The following SYNE3 variants were observed in gnomAD, a reference collection of about 807,000 sequenced individuals.
The protein encoded by SYNE3 is spectrin repeat containing nuclear envelope family member 3.
SYNE3 carries 100 observed loss-of-function variants against 111.2 expected under a neutral mutation model. That is an observed-to-expected ratio of 0.90 (90% CI 0.77 to 1.06). The LOEUF (loss-of-function observed/expected upper bound fraction) is 1.06. SYNE3 is among the 50% of genes least tolerant of loss of function. SYNE3 has a pLI of 0.00. For missense variants in SYNE3, 1,160 were observed against 1,240.3 expected, an observed-to-expected ratio of 0.94 and a Z score of 0.97; for synonymous variants, 547 against 533.9, an observed-to-expected ratio of 1.02 and a Z score of -0.34.
intron 1 of SYNE3, among the ~76,000 whole-genome samples, chr14:95,492,378 T>C (rs1156777569): frequency 1.3e-5 from 2 of 152,262 alleles, no homozygotes; most frequent in African/African-American, 2.4e-5. Context: ...CATCAACTGA[T>C]AAATGGATAA....
Position 95,475,711 on chromosome 14 carries a change from G to C in SYNE3, c.111C>G (p.Arg37=). The C allele has an allele frequency of 6.3e-7, 1 of 1,598,598 alleles. No homozygotes were observed. Among genetic ancestry groups the C allele is most frequent in the Non-Finnish European group, 8.5e-7 (1 of 1,173,678 alleles). ...LQVNDNTQGP[R]AALEARLWET... is the part of the protein sequence containing the mutation. ...CCCACAGCCTGGCCTCCAGGGCCGC[G>C]CGGGGTCCCTGCGTGTTGTCATTGA... The change falls in exon 2 of 18, where the codon CGC becomes CGG. Residue 37 remains arginine, a synonymous_variant. Transcript: ENST00000682763.
At chr14:95,471,840 G>A (rs1276145918) in intron 2 of SYNE3, among the ~76,000 whole-genome samples, 7 of 152,298 alleles carry the variant, frequency 4.6e-5, no homozygotes, top group East Asian at 1.9e-4. Flanking sequence ...GGTGGGGATC[G>A]GATGTAAGGA....
At position 95,470,733 on chromosome 14, in the gene SYNE3, A is replaced by G. The variant is rs563120934; in HGVS notation, c.145-2766T>C. Among the ~76,000 whole-genome samples, 1 of 152,282 alleles carries G rather than the reference A, an allele frequency of 6.6e-6. No individual in the cohort carries two copies. The highest frequency in any genetic ancestry group is 1.9e-4 in the East Asian group (1 of 5,170). On this transcript the variant is annotated intron_variant, in intron 2 of 17. Coordinates refer to ENST00000682763, the MANE Select transcript of SYNE3 (RefSeq NM_152592.6). The surrounding 1 kb of genome is among the most constrained non-coding windows in gnomAD (Gnocchi z 4.2). ...CCAACACTTTGGGAGGCCGAGGCGG[A>G]CAGATCACGAGGTCAGGAGTTTGAG...
At chr14:95,494,509 G>C (rs766118146) in intron 1 of SYNE3, among the ~76,000 whole-genome samples, 3 of 152,200 alleles carry the variant, frequency 2.0e-5, no homozygotes, top group African/African-American at 4.8e-5. Context: ...AACAAAGAGA[G>C]ACGGGAGGAG....
chr14:95,420,055 G>A (rs1451059887), intron 17 of SYNE3, among the ~76,000 whole-genome samples: 1 of 151,636 alleles, frequency 6.6e-6, no homozygotes, highest in Non-Finnish European at 1.5e-5. Flanking sequence ...CCCTCCAGAT[G>A]ATAACGCTTA....
At chr14:95,452,986 T>A (rs1440175160) in intron 6 of SYNE3, among the ~76,000 whole-genome samples, 1 of 152,176 alleles carries the variant, frequency 6.6e-6, no homozygotes, top group Non-Finnish European at 1.5e-5. Flanking sequence ...AGCCTTTCAC[T>A]GCTGTCCTGG....
chr14:95,478,847 C>T (rs1354043478), intron 1 of SYNE3, among the ~76,000 whole-genome samples: 1 of 152,170 alleles, frequency 6.6e-6, no homozygotes, highest in East Asian at 1.9e-4. Context: ...CGTGAGCCAT[C>T]CCCTATCTCA....
At chr14:95,515,754 C>G (rs1890897633) in intron 1 of SYNE3, among the ~76,000 whole-genome samples, 1 of 152,172 alleles carries the variant, frequency 6.6e-6, no homozygotes, top group Admixed American at 6.5e-5. Flanking sequence ...GGGAGAGTCC[C>G]AGGAAAGCCC....
At chr14:95,509,635 C>T (rs1488915051) in intron 1 of SYNE3, among the ~76,000 whole-genome samples, 1 of 152,222 alleles carries the variant, frequency 6.6e-6, no homozygotes, top group African/African-American at 2.4e-5. Flanking sequence ...CCTTAAGGAA[C>T]GAGGCTACCC....
chr14:95,499,506 G>A (rs562223527), intron 1 of SYNE3, among the ~76,000 whole-genome samples: 1 of 152,132 alleles, frequency 6.6e-6, no homozygotes, highest in South Asian at 2.1e-4. Context: ...CATTGGCTTT[G>A]GCATCACCAC....
chr14:95,439,627 T>C lies in SYNE3; in HGVS notation c.2231A>G (p.Glu744Gly), dbSNP rs201448388. Residue 744 changes from glutamate to glycine, a missense_variant, in exon 13 of 18, where the codon GAA (glutamate) becomes GGA (glycine). Glu to Gly is a moderately conservative substitution (Grantham distance 98). Coordinates refer to ENST00000682763, the MANE Select transcript of SYNE3 (RefSeq NM_152592.6). ...AESWRALRLL[E>G]ESLLSLIRNW... is the part of the protein sequence containing the mutation. ...GCACTCTCACCTCAGCAGACTTTCT[T>C]CCAGCAGCCTCAAGGCCCGCCACGA... 1.8e-4 allele frequency: 284 copies of C among 1,610,740 alleles called. No individual in the cohort carries two copies. In the African/African-American group the frequency reaches 3.4e-3, roughly 20 times the overall value.
At chr14:95,443,118 C>G (rs772597424) in intron 11 of SYNE3, 37 bp downstream of exon 11, 3 of 1,611,054 alleles carry the variant, frequency 1.9e-6, no homozygotes, top group South Asian at 1.1e-5. Context: ...GGGGCCGGCT[C>G]TCTGTCAAAG....
At chr14:95,464,154 C>T (rs894146712) in intron 4 of SYNE3, among the ~76,000 whole-genome samples, 2 of 152,188 alleles carry the variant, frequency 1.3e-5, no homozygotes, top group Non-Finnish European at 1.5e-5. Flanking sequence ...TCAGTTTCAG[C>T]GCTATAGCCA....
At chr14:95,432,014 C>T (rs77378180) in intron 17 of SYNE3, 65 bp downstream of exon 17, 48,387 of 1,570,878 alleles carry the variant, frequency 0.031, 963 homozygotes, top group Non-Finnish European at 0.034. Context: ...CCCAGTGTCA[C>T]GGGCCCACCA....
intron 17 of SYNE3, chr14:95,430,031 C>T (rs1885670443): frequency 1.6e-6 from 1 of 628,796 alleles, no homozygotes; most frequent in South Asian, 8.1e-5. Context: ...AGGGTAGAGA[C>T]AGCAATGAAC....
At chr14:95,504,208 T>C (rs1416177064) in intron 1 of SYNE3, among the ~76,000 whole-genome samples, 14 of 152,232 alleles carry the variant, frequency 9.2e-5, no homozygotes, top group Non-Finnish European at 2.9e-5. Flanking sequence ...TTACATAGCA[T>C]CTGTGGCTGC....
chr14:95,429,902 C>T (rs976945926), intron 17 of SYNE3: 3 of 980,642 alleles, frequency 3.1e-6, no homozygotes, highest in African/African-American at 1.8e-5. Flanking sequence ...TCCACCCAAG[C>T]AGGATGTACA....
At chr14:95,477,038 TTAGG>T (rs1432537120) in intron 1 of SYNE3, among the ~76,000 whole-genome samples, 4 of 152,214 alleles carry the variant, frequency 2.6e-5, no homozygotes, top group Non-Finnish European at 5.9e-5. Flanking sequence ...AAATTATATA[TTAGG>T]TAGTCACAAC....
chr14:95,507,892 G>A (rs868434799), intron 1 of SYNE3, among the ~76,000 whole-genome samples: 5 of 152,206 alleles, frequency 3.3e-5, no homozygotes, highest in African/African-American at 9.7e-5. Flanking sequence ...AGGGTGCTCC[G>A]GGGTGGGCCC....
Sources: allele counts gnomAD v4.1 joint callset (sites outside exome capture counted in the v4.1 genomes callset), GRCh38; gene constraint gnomAD v4.1.1; non-coding constraint Gnocchi (gnomAD v3.1); transcripts MANE v1.5; gene names NCBI Gene and HGNC (gene_info 2026-07-23, HGNC 2026-07-21).